The following SND1 variants were observed in gnomAD, a reference collection of about 807,000 sequenced individuals.
SND1 encodes the protein staphylococcal nuclease and tudor domain containing 1, also known as staphylococcal nuclease domain-containing protein 1.
In SND1, 38 loss-of-function variants were observed where a neutral mutation model predicts 121.7. The observed-to-expected ratio is 0.31, with a 90% CI of 0.24 to 0.41. The LOEUF is 0.41. SND1 is among the 10% of genes least tolerant of loss of function. The probability of loss-of-function intolerance (pLI) is 1.00; values close to 1 mark genes in which losing one functional copy is unlikely to be tolerated. For missense variants in SND1, 868 were observed against 1,184.6 expected (o/e 0.73, Z 3.92); for synonymous variants, 401 against 447.4 (o/e 0.90, Z 1.31).
chr7:127,866,208 T>C (rs1799472947), intron 12 of SND1, among the ~76,000 whole-genome samples: 1 of 152,222 alleles, frequency 6.6e-6, no homozygotes, highest in African/African-American at 2.4e-5. Context: ...ACAACTCATT[T>C]TGAAGAGCTG....
chr7:127,795,312 C>G (rs1797995114), intron 10 of SND1, among the ~76,000 whole-genome samples: 1 of 152,062 alleles, frequency 6.6e-6, no homozygotes, highest in Non-Finnish European at 1.5e-5. Flanking sequence ...TCTTTCACTA[C>G]CCTTTCCTTC....
intron 1 of SND1, among the ~76,000 whole-genome samples, chr7:127,656,432 C>G (rs1587571784): frequency 1.3e-5 from 2 of 151,790 alleles, no homozygotes; most frequent in Middle Eastern, 3.4e-3. Context: ...AAGCGATTCT[C>G]CTGCCTCAGC....
At chr7:127,658,221 A>G (rs1179335872) in intron 1 of SND1, among the ~76,000 whole-genome samples, 1 of 152,190 alleles carries the variant, frequency 6.6e-6, no homozygotes, top group Non-Finnish European at 1.5e-5. Flanking sequence ...AGGCTGAGGC[A>G]GGAGAATCAC....
intron 16 of SND1, among the ~76,000 whole-genome samples, chr7:128,072,822 C>A (rs1373490593): frequency 1.3e-5 from 2 of 152,208 alleles, no homozygotes; most frequent in Non-Finnish European, 2.9e-5. Context: ...GTGTTGAAAC[C>A]TGAGCAACCT....
chr7:127,804,832 A>G (rs1250973561), intron 10 of SND1, among the ~76,000 whole-genome samples: 1 of 152,158 alleles, frequency 6.6e-6, no homozygotes, highest in African/African-American at 2.4e-5. Context: ...ATTTTGTTCA[A>G]TTCATTTTTC....
rs562309314 is a variant in SND1 at position 127,732,479 on chromosome 7, CTG to C, written c.1152+11082_1152+11083del. Among the ~76,000 whole-genome samples, 134 of 152,342 alleles carry C rather than the reference CTG, an allele frequency of 8.8e-4. 2 individuals are homozygous for C. Among genetic ancestry groups the C allele is most frequent in the African/African-American group, 3.2e-3 (131 of 41,576 alleles). The stretch of plus-strand genomic sequence containing the variant: ...TTGTCTTGTGTTGTTCAAAAATCCT[CTG>C]TGCTATGCTTTGGATGCTGCATGAG... On this transcript the variant is annotated intron_variant, in intron 10 of 23. Coordinates refer to ENST00000354725, the MANE Select transcript of SND1 (RefSeq NM_014390.4).
At position 127,716,930 on chromosome 7, in the gene SND1, T is replaced by C. The variant is rs576727237; in HGVS notation, c.1039-4357T>C. Among the ~76,000 whole-genome samples, 6 of 152,332 alleles carry C rather than the reference T, an allele frequency of 3.9e-5. No homozygotes were observed. The South Asian group carries it at 1.0e-3, about 26-fold the overall frequency. ...ATTGTCTCACTAGAAAGGTGGGCTC[T>C]GCTGAACCAAAAAGGGATCAAGACT... is the stretch of plus-strand genomic sequence containing the variant. On this transcript the variant is annotated intron_variant, in intron 9 of 23. Transcript: ENST00000354725.
intron 16 of SND1, among the ~76,000 whole-genome samples, chr7:128,017,228 G>C (rs1026650363): frequency 2.0e-5 from 3 of 152,150 alleles, no homozygotes; most frequent in Non-Finnish European, 2.9e-5. Context: ...TGGAGGTTAG[G>C]GTAGGGAGGT....
chr7:127,706,131 A>C (rs1372887751), intron 8 of SND1, among the ~76,000 whole-genome samples: 1 of 152,200 alleles, frequency 6.6e-6, no homozygotes, highest in Admixed American at 6.5e-5. Context: ...CAGTGTTCCA[A>C]ATACTTCCGA....
At chr7:127,692,934 C>T (rs1225182459) in intron 2 of SND1, among the ~76,000 whole-genome samples, 1 of 152,108 alleles carries the variant, frequency 6.6e-6, no homozygotes, top group African/African-American at 2.4e-5. Context: ...TGGAGATTTC[C>T]CTGCAGGGGC....
chr7:127,928,189 T>G (rs1343732977), intron 14 of SND1: 2 of 152,192 alleles, frequency 1.3e-5, no homozygotes, highest in Non-Finnish European at 2.9e-5. Flanking sequence ...CAAAAAAGGT[T>G]TTTAAACTGC....
At position 127,685,471 on chromosome 7, in the gene SND1, G is replaced by A. The variant is rs1235954435; in HGVS notation, c.79-1142G>A. 3.3e-5 allele frequency among the ~76,000 whole-genome samples: 5 copies of A among 152,188 alleles called. No homozygotes were observed. In the South Asian group the frequency reaches 6.2e-4, roughly 19 times the overall value. On this transcript the variant is annotated intron_variant, in intron 1 of 23. Transcript: ENST00000354725. ...CAGATCTAGTGAAGCCAGGGCATGA[G>A]CCCCCACCTGTTTGTTGTATTGTGA...
At chr7:127,896,981 C>G (rs1414692536) in intron 13 of SND1, among the ~76,000 whole-genome samples, 1 of 152,068 alleles carries the variant, frequency 6.6e-6, no homozygotes, top group South Asian at 2.1e-4. Context: ...GACTATAGTT[C>G]AAATAATTAA....
chr7:128,008,583 C>T (rs570238804), intron 16 of SND1, among the ~76,000 whole-genome samples: 9 of 152,044 alleles, frequency 5.9e-5, no homozygotes, highest in African/African-American at 1.9e-4. Context: ...GACTCCAGCT[C>T]AAGCACTCTG....
chr7:127,743,928 T>G (rs1201979506), intron 10 of SND1, among the ~76,000 whole-genome samples: 1 of 152,152 alleles, frequency 6.6e-6, no homozygotes, highest in African/African-American at 2.4e-5. Flanking sequence ...CCACCTGTAT[T>G]TTATCGACGG....
At position 127,704,412 on chromosome 7, in the gene SND1, C is replaced by T. The variant is rs529152177; in HGVS notation, c.841-427C>T. ...AATTCACTGGGCAAAATGTAGCTTC[C>T]GTTATTCCCTGCTCAGCCTGTTCTT... On this transcript the variant is annotated intron_variant, in intron 7 of 23. Transcript: ENST00000354725. Among the ~76,000 whole-genome samples, 13 of 152,248 alleles carry T rather than the reference C, an allele frequency of 8.5e-5. 1 individual carries two copies. The East Asian group carries it at 1.2e-3, about 14-fold the overall frequency.
intron 9 of SND1, among the ~76,000 whole-genome samples, chr7:127,710,844 C>T (rs544539868): frequency 1.3e-5 from 2 of 152,286 alleles, no homozygotes; most frequent in African/African-American, 2.4e-5. Context: ...TGCTCTTACC[C>T]AGTTCTTCCA....
intron 16 of SND1, chr7:128,028,836 T>G: frequency 6.2e-7 from 1 of 1,614,178 alleles, no homozygotes; most frequent in Non-Finnish European, 8.5e-7. Flanking sequence ...AATATGGTCA[T>G]GAATTGTGGG....
At chr7:127,793,667 C>T (rs1797957425) in intron 10 of SND1, among the ~76,000 whole-genome samples, 1 of 152,092 alleles carries the variant, frequency 6.6e-6, no homozygotes, top group Admixed American at 6.5e-5. Context: ...GGTGACATTA[C>T]ATGAAGGAGG....
Sources: gnomAD v4.1 joint callset for allele counts (sites outside exome capture counted in the v4.1 genomes callset) on GRCh38, gnomAD v4.1.1 for gene constraint, MANE v1.5 for transcripts, NCBI Gene and HGNC (gene_info 2026-07-23, HGNC 2026-07-21) for gene names.